SYAP1: variants seen among roughly 807,000 people sequenced by gnomAD.
SYAP1 encodes synapse-associated protein 1.
SYAP1 carries 3 observed loss-of-function variants against 29.6 expected under a neutral mutation model. The observed-to-expected ratio is 0.10, with a 90% CI of 0.05 to 0.26. SYAP1 has a LOEUF of 0.26. SYAP1 is among the 10% of genes least tolerant of loss of function. SYAP1 has a pLI of 1.00. For synonymous variants in SYAP1, 102 were observed against 102.7 expected, an observed-to-expected ratio of 0.99 and a Z score of 0.04; for missense variants, 217 against 264.1, an observed-to-expected ratio of 0.82 and a Z score of 1.24.
chrX:16,747,116 T>C (rs1926626758), intron 5 of SYAP1, among the ~76,000 whole-genome samples: 1 of 111,315 alleles, frequency 9.0e-6, no homozygotes, highest in Non-Finnish European at 1.9e-5. Flanking sequence ...TGCCTAATAC[T>C]GTTTTTAACT....
chrX:16,734,852 AGCCGGGCATGGTG>A (rs966377927), intron 1 of SYAP1, among the ~76,000 whole-genome samples: 2 of 109,142 alleles, frequency 1.8e-5, no homozygotes, highest in Non-Finnish European at 3.8e-5. Context: ...CAAAAAAATT[AGCCGGGCATGGTG>A]GCAGGCGTCT....
intron 3 of SYAP1, among the ~76,000 whole-genome samples, chrX:16,739,657 G>A (rs766301820): frequency 9.0e-6 from 1 of 110,575 alleles, no homozygotes; most frequent in African/African-American, 3.3e-5. Context: ...CACCAGCCTT[G>A]TGTTTCCTTC....
rs202154726 is a variant in SYAP1, at chrX:16,731,217, C to T, written c.176-4010C>T. On this transcript the variant is annotated intron_variant, in intron 1 of 8. Transcript: ENST00000380155. ...TACAATATATTTTTATTGGAAAATA[C>T]CCAAATAATGAAATATCTGTTATTT... Among the ~76,000 whole-genome samples the T allele has an allele frequency of 2.7e-5, 3 of 111,763 alleles. No individual in the cohort carries two copies. In the East Asian group the frequency reaches 8.3e-4, roughly 31 times the overall value.
intron 5 of SYAP1, among the ~76,000 whole-genome samples, chrX:16,746,456 CGAACTCCTG>C (rs1926611018): frequency 9.2e-6 from 1 of 108,170 alleles, no homozygotes. Flanking sequence ...AGGCTGGTCT[CGAACTCCTG>C]ACCTCAGGTG....
At chrX:16,720,520 A>C (rs1925936284) in intron 1 of SYAP1, among the ~76,000 whole-genome samples, 1 of 112,286 alleles carries the variant, frequency 8.9e-6, no homozygotes, top group Non-Finnish European at 1.9e-5. Flanking sequence ...ACAAGCCCAG[A>C]GTTATTGGGC....
At chrX:16,736,779 A>C (rs893858920) in intron 3 of SYAP1, among the ~76,000 whole-genome samples, 1 of 111,988 alleles carries the variant, frequency 8.9e-6, no homozygotes, top group Non-Finnish European at 1.9e-5. Context: ...AAGTGCTGGG[A>C]TTATAGGCAT....
intron 8 of SYAP1, among the ~76,000 whole-genome samples, chrX:16,759,402 CT>C (rs1926933054): frequency 9.1e-6 from 1 of 110,475 alleles, no homozygotes; most frequent in African/African-American, 3.3e-5. Context: ...CTTAGCTTTA[CT>C]TTTTAAATAG....
intron 1 of SYAP1, among the ~76,000 whole-genome samples, chrX:16,725,464 T>C (rs1310336712): frequency 8.9e-6 from 1 of 112,174 alleles, no homozygotes; most frequent in Non-Finnish European, 1.9e-5. Flanking sequence ...CTGGACAACA[T>C]AGTGAGACTC....
At chrX:16,729,683 A>C (rs764924690) in intron 1 of SYAP1, among the ~76,000 whole-genome samples, 16 of 109,891 alleles carry the variant, frequency 1.5e-4, no homozygotes, top group East Asian at 2.9e-4. Context: ...GGGGTTTCAC[A>C]ATGTTGGCCA....
intron 5 of SYAP1, among the ~76,000 whole-genome samples, chrX:16,744,371 C>A (rs774214252): frequency 8.9e-6 from 1 of 112,762 alleles, no homozygotes; most frequent in Non-Finnish European, 1.9e-5. Flanking sequence ...GGTGTTCTGT[C>A]TCAAGCTCTT....
chrX:16,748,609 G>A (rs999804757), intron 5 of SYAP1, among the ~76,000 whole-genome samples: 1 of 112,222 alleles, frequency 8.9e-6, no homozygotes, highest in African/African-American at 3.2e-5. Flanking sequence ...GAAATCACAA[G>A]TCCTTTCCTG....
intron 1 of SYAP1, among the ~76,000 whole-genome samples, chrX:16,727,754 C>G (rs1425410523): frequency 8.9e-6 from 1 of 111,756 alleles, no homozygotes; most frequent in African/African-American, 3.2e-5. Flanking sequence ...GGGTTCCTGG[C>G]CTGTCAGAAG....
Position 16,760,527 on chromosome X carries a change from A to G in SYAP1, c.*168A>G. 2.8e-6 allele frequency: 1 copy of G among 361,142 alleles called. No homozygotes were observed. Among genetic ancestry groups the G allele is most frequent in the Non-Finnish European group, 4.4e-6 (1 of 226,675 alleles). 29.8% of individuals were successfully genotyped at this position (361,142 alleles called of 1,213,427 possible). On this transcript the variant is annotated 3_prime_UTR_variant, in exon 9 of 9. Coordinates refer to ENST00000380155, the MANE Select transcript of SYAP1 (RefSeq NM_032796.4). ...CCTCTTCTACTTTAAAAAAGTATAT[A>G]GAACAGTTACTTCTAATAATCAGAA...
chrX:16,745,878 C>T (rs1170966127), intron 5 of SYAP1, among the ~76,000 whole-genome samples: 1 of 110,854 alleles, frequency 9.0e-6, no homozygotes, highest in Non-Finnish European at 1.9e-5. Flanking sequence ...AATTCCTTTT[C>T]TGTTACTTTC....
At chrX:16,751,218 C>T (rs1216877672) in intron 5 of SYAP1, among the ~76,000 whole-genome samples, 2 of 108,486 alleles carry the variant, frequency 1.8e-5, no homozygotes, top group Non-Finnish European at 3.8e-5. Flanking sequence ...TTTGGGAGGC[C>T]GAGGCGGGCA....
At chrX:16,721,295 G>A (rs1453321159) in intron 1 of SYAP1, among the ~76,000 whole-genome samples, 1 of 109,933 alleles carries the variant, frequency 9.1e-6, no homozygotes, top group East Asian at 2.9e-4. Flanking sequence ...GCAGTGGCAC[G>A]ATGTTGGCTC....
At chrX:16,754,811 C>T in intron 5 of SYAP1, 134 bp from the exon 6 acceptor site, 1 of 591,156 alleles carries the variant, frequency 1.7e-6, no homozygotes. Flanking sequence ...TCATCTACTC[C>T]AGTCCCCTTT....
At chrX:16,744,327 A>C (rs1293238815) in intron 5 of SYAP1, among the ~76,000 whole-genome samples, 1 of 112,404 alleles carries the variant, frequency 8.9e-6, no homozygotes, top group East Asian at 2.8e-4. Context: ...GGTGCGGCCA[A>C]CAGGGGCCAC....
At chrX:16,721,422 G>A (rs1925957867) in intron 1 of SYAP1, among the ~76,000 whole-genome samples, 1 of 111,086 alleles carries the variant, frequency 9.0e-6, no homozygotes, top group African/African-American at 3.3e-5. Context: ...AGTAGAGATG[G>A]GGTTTCGCGA....
Sources: allele counts gnomAD v4.1 joint callset (sites outside exome capture counted in the v4.1 genomes callset), GRCh38; gene constraint gnomAD v4.1.1; transcripts MANE v1.5; gene names NCBI Gene and HGNC (gene_info 2026-07-23, HGNC 2026-07-21).